Variants in CDH12 observed in about 807,000 individuals in gnomAD.
CDH12 encodes cadherin 12.
CDH12 carries 41 observed loss-of-function variants against 74.1 expected under a neutral mutation model. That is an observed-to-expected ratio of 0.55 (90% CI 0.43 to 0.72). CDH12 has a LOEUF of 0.72. Ranked by LOEUF, CDH12 falls within the 30% of genes least tolerant of loss-of-function variation. The pLI is 0.00. For missense variants in CDH12, 945 were observed against 977.2 expected (o/e 0.97, Z 0.44); for synonymous variants, 399 against 355.0 (o/e 1.12, Z -1.39).
At chr5:22,434,033 C>T (rs1469148883) in intron 2 of CDH12, among the ~76,000 whole-genome samples, 1 of 152,078 alleles carries the variant, frequency 6.6e-6, no homozygotes, top group Admixed American at 6.6e-5. Flanking sequence ...ATTAGTATAT[C>T]CAGCCCCCAC....
chr5:22,050,116 A>C (rs185672792), intron 5 of CDH12, among the ~76,000 whole-genome samples: 4 of 152,132 alleles, frequency 2.6e-5, no homozygotes, highest in Admixed American at 2.6e-4. Flanking sequence ...GAGTTTCCTC[A>C]AAAGTCCATA....
At chr5:22,378,447 C>T (rs1008462611) in intron 3 of CDH12, among the ~76,000 whole-genome samples, 4 of 151,772 alleles carry the variant, frequency 2.6e-5, no homozygotes, top group Admixed American at 6.6e-5. Context: ...GCATAGTGGA[C>T]GTATATAACA....
intron 1 of CDH12, among the ~76,000 whole-genome samples, chr5:22,715,843 A>G (rs1743546422): frequency 6.6e-6 from 1 of 151,590 alleles, no homozygotes; most frequent in Non-Finnish European, 1.5e-5. Flanking sequence ...AAAGAAAGAA[A>G]TATATACATA....
chr5:21,841,574 C>T (rs1254013748), intron 8 of CDH12, among the ~76,000 whole-genome samples: 1 of 149,320 alleles, frequency 6.7e-6, no homozygotes, highest in Admixed American at 6.7e-5. Context: ...TTTATTGCGG[C>T]ACTATTCACA....
chr5:22,527,133 A>G (rs1737321572), intron 1 of CDH12, among the ~76,000 whole-genome samples: 1 of 152,150 alleles, frequency 6.6e-6, no homozygotes. Flanking sequence ...ATTTTGTACC[A>G]AGCACAGTTC....
At chr5:21,781,593 A>G (rs1446699954) in intron 11 of CDH12, among the ~76,000 whole-genome samples, 2 of 151,978 alleles carry the variant, frequency 1.3e-5, no homozygotes, top group Non-Finnish European at 2.9e-5. Flanking sequence ...GTGCGATGAT[A>G]CATGCCTGTG....
chr5:21,804,643 A>AACACACAC (rs11281181), intron 9 of CDH12, among the ~76,000 whole-genome samples: 81 of 115,364 alleles, frequency 7.0e-4, no homozygotes, highest in African/African-American at 2.4e-3. Flanking sequence ...AGTGAATTAA[A>AACACACAC]ACACACACAC....
chr5:22,160,889 C>G (rs574003172), intron 4 of CDH12, among the ~76,000 whole-genome samples: 1 of 152,264 alleles, frequency 6.6e-6, no homozygotes, highest in East Asian at 1.9e-4. Context: ...GGGGGAAAAG[C>G]AAACATTTAG....
chr5:22,576,230 A>T (rs1305312961), intron 1 of CDH12, among the ~76,000 whole-genome samples: 1 of 152,162 alleles, frequency 6.6e-6, no homozygotes, highest in African/African-American at 2.4e-5. Context: ...GGCCATGCGC[A>T]GTCCTGCTTT....
At chr5:21,774,415 T>C (rs1293795855) in intron 11 of CDH12, 2 of 152,168 alleles carry the variant, frequency 1.3e-5, no homozygotes, top group African/African-American at 2.4e-5. Context: ...GGTTGCACTA[T>C]TGGCTTCCCT....
rs755452818 is a variant in CDH12 at position 21,854,693 on chromosome 5, A to G, written c.624T>C (p.Tyr208=). 7 of 1,585,534 alleles carry G rather than the reference A, an allele frequency of 4.4e-6. No homozygotes were observed. In the African/African-American group the frequency reaches 6.8e-5, roughly 15 times the overall value. ...VVYSILQGQP[Y]FSIDPKTGVI... ...TACCTGTCTTGGGATCAATAGAGAA[A>G]TAAGGTTGTCCCTGAAGAATGCTGT... Residue 208 remains tyrosine, a synonymous_variant, in exon 7 of 15, where the codon TAT becomes TAC. Transcript: ENST00000382254.
At chr5:22,324,553 G>A (rs1739008635) in intron 3 of CDH12, among the ~76,000 whole-genome samples, 1 of 151,628 alleles carries the variant, frequency 6.6e-6, no homozygotes, top group African/African-American at 2.4e-5. Flanking sequence ...ATTTAAAAAA[G>A]AGTACATATG....
chr5:22,259,731 CTT>C (rs61706685), intron 3 of CDH12, among the ~76,000 whole-genome samples: 1 of 145,640 alleles, frequency 6.9e-6, no homozygotes, highest in African/African-American at 2.5e-5. Context: ...ATGCAAAGGA[CTT>C]TTTTTTTTTA....
intron 6 of CDH12, among the ~76,000 whole-genome samples, chr5:21,971,593 C>A (rs1034202659): frequency 6.6e-6 from 1 of 152,052 alleles, no homozygotes; most frequent in Non-Finnish European, 1.5e-5. Flanking sequence ...GAAGATAATA[C>A]AAGTTGAGTA....
chr5:22,370,192 A>ATC (rs1257278246), intron 3 of CDH12, among the ~76,000 whole-genome samples: 8 of 152,154 alleles, frequency 5.3e-5, no homozygotes, highest in African/African-American at 1.4e-4. Context: ...ATTTTTAGAG[A>ATC]TCCCTCCACT....
At chr5:22,514,379 A>G (rs944917549) in intron 1 of CDH12, among the ~76,000 whole-genome samples, 4 of 152,216 alleles carry the variant, frequency 2.6e-5, no homozygotes, top group South Asian at 2.1e-4. Context: ...AATGTGCAGC[A>G]AAGCTGAAAG....
rs115985225 is a variant in CDH12 at position 21,952,118 on chromosome 5, T to C, written c.526+22973A>G. On this transcript the variant is annotated intron_variant, in intron 6 of 14. Coordinates refer to ENST00000382254, the MANE Select transcript of CDH12 (RefSeq NM_004061.5). ...CTCATCTGGAAGATGAGGGTACTAA[T>C]AGTTCCAGAGTTCTTACATTAGTGC... is the stretch of plus-strand genomic sequence containing the variant. Among the ~76,000 whole-genome samples, 421 of 152,332 alleles carry C rather than the reference T, an allele frequency of 2.8e-3. 3 individuals are homozygous for C. The highest frequency in any genetic ancestry group is 9.6e-3 in the African/African-American group (399 of 41,562).
At chr5:22,405,643 G>T (rs1024808056) in intron 2 of CDH12, among the ~76,000 whole-genome samples, 1 of 152,194 alleles carries the variant, frequency 6.6e-6, no homozygotes, top group African/African-American at 2.4e-5. Flanking sequence ...AATAAATTTA[G>T]TTCCAATCAT....
chr5:22,008,923 T>C (rs998710944), intron 5 of CDH12, among the ~76,000 whole-genome samples: 3 of 152,224 alleles, frequency 2.0e-5, no homozygotes, highest in Non-Finnish European at 4.4e-5. Flanking sequence ...GAGACAGTCA[T>C]GATTATCTTC....
Sources: allele counts gnomAD v4.1 joint callset (sites outside exome capture counted in the v4.1 genomes callset), GRCh38; gene constraint gnomAD v4.1.1; transcripts MANE v1.5; gene names NCBI Gene and HGNC (gene_info 2026-07-23, HGNC 2026-07-21).